Variants in TP63 observed in about 807,000 individuals in gnomAD.
The protein encoded by TP63 is tumor protein p63.
TP63 carries 17 observed loss-of-function variants against 82.8 expected under a neutral mutation model. The observed-to-expected ratio is 0.21, with a 90% CI of 0.14 to 0.31. The LOEUF (loss-of-function observed/expected upper bound fraction) is 0.31, where lower values mean the gene tolerates loss of function less well. TP63 is among the 10% of genes least tolerant of loss of function. The pLI, the probability that TP63 is intolerant of heterozygous loss-of-function variation, is 1.00. For synonymous variants in TP63, 330 were observed against 321.7 expected (o/e 1.03, Z -0.28); for missense variants, 648 against 895.3 (o/e 0.72, Z 3.52).
the TP63 span, among the ~76,000 whole-genome samples, chr3:189,626,113 A>T: frequency 1.3e-5 from 2 of 152,198 alleles, no homozygotes; most frequent in Non-Finnish European, 2.9e-5. Context: ...AATTAAAGTC[A>T]TTCGAATACC....
the TP63 span, among the ~76,000 whole-genome samples, chr3:189,623,725 A>G: frequency 6.6e-6 from 1 of 152,160 alleles, no homozygotes; most frequent in Non-Finnish European, 1.5e-5. Context: ...CTGAAACCCC[A>G]CTAGGAATTT....
intron 3 of TP63, among the ~76,000 whole-genome samples, chr3:189,801,193 T>C (rs1335518480): frequency 6.6e-6 from 1 of 152,198 alleles, no homozygotes. Flanking sequence ...TTAACATTCA[T>C]TGAAGAATTT....
intron 1 of TP63, among the ~76,000 whole-genome samples, chr3:189,726,602 A>G (rs1366781809): frequency 1.3e-5 from 2 of 152,154 alleles, no homozygotes. Flanking sequence ...ATTAATGAGG[A>G]TGGTAAGAAA....
the TP63 span, among the ~76,000 whole-genome samples, chr3:189,611,394 G>T: frequency 6.6e-6 from 1 of 152,104 alleles, no homozygotes; most frequent in African/African-American, 2.4e-5. Context: ...CATTTTTTGA[G>T]TAGGTTGTCT....
At chr3:189,881,743 C>T (rs1719934161) in intron 10 of TP63, among the ~76,000 whole-genome samples, 1 of 152,098 alleles carries the variant, frequency 6.6e-6, no homozygotes, top group Non-Finnish European at 1.5e-5. Flanking sequence ...AATACTTTAG[C>T]TCTATGAGTT....
At chr3:189,690,525 A>C (rs1442485871) in intron 1 of TP63, among the ~76,000 whole-genome samples, 1 of 152,190 alleles carries the variant, frequency 6.6e-6, no homozygotes, top group Admixed American at 6.5e-5. Flanking sequence ...TGCTGAAATC[A>C]TTGTCATTCT....
intron 3 of TP63, among the ~76,000 whole-genome samples, chr3:189,794,417 A>C (rs1405992741): frequency 6.6e-6 from 1 of 151,964 alleles, no homozygotes; most frequent in African/African-American, 2.4e-5. Context: ...GAAGATCAAG[A>C]AAGTCTATAT....
At chr3:189,780,127 C>G (rs968679508) in intron 3 of TP63, among the ~76,000 whole-genome samples, 3 of 152,070 alleles carry the variant, frequency 2.0e-5, no homozygotes, top group Admixed American at 1.3e-4. Context: ...GACACTCAAC[C>G]AGTGTGGAGT....
chr3:189,870,115 C>T (rs1344312356), intron 9 of TP63, among the ~76,000 whole-genome samples: 1 of 151,996 alleles, frequency 6.6e-6, no homozygotes, highest in Non-Finnish European at 1.5e-5. Context: ...GCAGCATGGC[C>T]ATAGAAATTT....
chr3:189,730,503 C>T (rs4234613), intron 1 of TP63, among the ~76,000 whole-genome samples: 152,229 of 152,362 alleles, frequency 1, 76,049 homozygotes, highest in Middle Eastern at 1. Flanking sequence ...TAAGGAGCCA[C>T]ATATGTAATT....
intron 3 of TP63, among the ~76,000 whole-genome samples, chr3:189,771,402 A>G (rs900065563): frequency 8.1e-4 from 112 of 138,912 alleles, no homozygotes; most frequent in African/African-American, 3.0e-3. Flanking sequence ...TTAAATATAT[A>G]AGTATATTAA....
intron 13 of TP63, among the ~76,000 whole-genome samples, chr3:189,891,996 C>T (rs1261474206): frequency 1.3e-5 from 2 of 152,150 alleles, no homozygotes; most frequent in Non-Finnish European, 1.5e-5. Flanking sequence ...TGCCCCTATG[C>T]CCACCCCTCT....
rs746943082 is a variant in TP63 at position 189,864,238 on chromosome 3, A to G, written c.586A>G (p.Thr196Ala). 1 of 1,614,102 alleles carries G rather than the reference A, an allele frequency of 6.2e-7. No homozygotes were observed. Among genetic ancestry groups the G allele is most frequent in the Non-Finnish European group, 8.5e-7 (1 of 1,180,022 alleles). The change falls in exon 5 of 14, where the codon ACT becomes GCT. Residue 196 changes from threonine (T) to alanine (A), a missense_variant. Physicochemically the swap from Thr to Ala is moderately conservative, Grantham distance 58. Around this residue, in one of 5 missense-constraint regions of TP63, gnomAD observed 64 missense variants for 144.2 expected, o/e 0.44. Transcript: ENST00000264731. ...TGGCCCCAACTCTAAGCAGTATTCC[A>G]CTGAACTGAAGAAACTCTACTGCCA... is the stretch of plus-strand genomic sequence containing the variant. ...TAKSATWTYS[T>A]ELKKLYCQIA...
At chr3:189,614,237 C>T in the TP63 span, among the ~76,000 whole-genome samples, 3 of 152,120 alleles carry the variant, frequency 2.0e-5, no homozygotes, top group African/African-American at 7.2e-5. Context: ...ACCAGTCTTT[C>T]CTGTGCTATT....
intron 4 of TP63, among the ~76,000 whole-genome samples, chr3:189,812,746 T>C (rs1727711495): frequency 6.6e-6 from 1 of 152,216 alleles, no homozygotes; most frequent in South Asian, 2.1e-4. Context: ...CAAGTGTTTA[T>C]TGGGTCTGAA....
At chr3:189,618,684 T>C in the TP63 span, among the ~76,000 whole-genome samples, 122,142 of 152,058 alleles carry the variant, frequency 0.8, 51,053 homozygotes, top group Middle Eastern at 0.95. Context: ...AGTGATCCTG[T>C]TACCCTTCCA....
At chr3:189,840,356 CGTCTTTTTT>C (rs1212651586) in intron 4 of TP63, among the ~76,000 whole-genome samples, 337 of 26,218 alleles carry the variant, frequency 0.013, 16 homozygotes, top group African/African-American at 0.033. Flanking sequence ...TTTTGCTTTT[CGTCTTTTTT>C]TTTTTTTTTT....
intron 4 of TP63, among the ~76,000 whole-genome samples, chr3:189,822,893 A>C (rs1274547923): frequency 6.6e-6 from 1 of 152,152 alleles, no homozygotes; most frequent in Non-Finnish European, 1.5e-5. Context: ...CAGAAAATGA[A>C]TGGTCAGGGT....
chr3:189,741,656 T>G (rs796266744), intron 3 of TP63, among the ~76,000 whole-genome samples: 5 of 152,358 alleles, frequency 3.3e-5, no homozygotes, highest in African/African-American at 1.2e-4. Context: ...TGTCATATTC[T>G]TAGGGATAGA....
Sources: allele counts gnomAD v4.1 joint callset (sites outside exome capture counted in the v4.1 genomes callset), GRCh38; gene constraint gnomAD v4.1.1; regional missense constraint gnomAD v4.1.1; transcripts MANE v1.5; gene names NCBI Gene and HGNC (gene_info 2026-07-23, HGNC 2026-07-21).